Variants in TULP4 observed in about 807,000 individuals in gnomAD.
The protein encoded by TULP4 is TUB like protein 4, also known as tubby-related protein 4.
Under a neutral mutation model 129.0 loss-of-function variants are expected in TULP4, and 16 were observed. The observed-to-expected ratio is 0.12, with a 90% CI of 0.08 to 0.19. TULP4 has a LOEUF of 0.19. Ranked by LOEUF, TULP4 falls within the 10% of genes least tolerant of loss-of-function variation. The pLI is 1.00. For missense variants in TULP4, 1,842 were observed against 2,059.1 expected (o/e 0.89, Z 2.04); for synonymous variants, 998 against 854.0 (o/e 1.17, Z -2.94).
intron 1 of TULP4, among the ~76,000 whole-genome samples, chr6:158,288,699 A>C (rs1583706935): frequency 6.6e-6 from 1 of 152,030 alleles, no homozygotes; most frequent in East Asian, 1.9e-4. Context: ...ACGGGGTTTC[A>C]CCGTGTTAGC....
intron 1 of TULP4, among the ~76,000 whole-genome samples, chr6:158,391,942 C>T (rs976667498): frequency 8.5e-5 from 13 of 152,120 alleles, no homozygotes; most frequent in Non-Finnish European, 1.9e-4. Context: ...GTGGCAGGCA[C>T]TTAGTAAATA....
At chr6:158,412,844 C>T (rs1055865884) in intron 1 of TULP4, among the ~76,000 whole-genome samples, 8 of 152,262 alleles carry the variant, frequency 5.3e-5, no homozygotes, top group Non-Finnish European at 8.8e-5. Flanking sequence ...TGGGCATGTT[C>T]GCACTGTCTC....
chr6:158,306,268 C>T (rs990333322), intron 1 of TULP4, among the ~76,000 whole-genome samples: 2 of 152,198 alleles, frequency 1.3e-5, no homozygotes, highest in African/African-American at 4.8e-5. Context: ...TTAAGATTTA[C>T]ATTTGGCTGG....
At chr6:158,370,962 T>A (rs945070179) in intron 1 of TULP4, among the ~76,000 whole-genome samples, 14 of 152,242 alleles carry the variant, frequency 9.2e-5, no homozygotes, top group Non-Finnish European at 1.6e-4. Context: ...GCCACTGCAC[T>A]CCTGCATCCT....
intron 7 of TULP4, 57 bp from the exon 8 acceptor site, chr6:158,480,998 C>T (rs1779929131): frequency 6.8e-7 from 1 of 1,478,278 alleles, no homozygotes; most frequent in Non-Finnish European, 9.1e-7. Flanking sequence ...ACTCTCTTTC[C>T]CTCTCTCTCT....
intron 1 of TULP4, among the ~76,000 whole-genome samples, chr6:158,289,947 T>C (rs2128470108): frequency 6.6e-6 from 1 of 151,874 alleles, no homozygotes; most frequent in East Asian, 1.9e-4. Context: ...CAAGAAGTGT[T>C]TTGTTTTGTT....
Position 158,503,772 on chromosome 6 carries a change from C to A in TULP4, c.4109C>A (p.Ser1370Tyr). ...KEARTLSDFN[S>Y]LISSPHLGRE... is the part of the protein sequence containing the mutation. ...GCTAGGACTTTGAGTGACTTTAATTCCCTAATCTCCAGCCCACACCTGGGG... is the reference window on the plus strand; with the variant it reads ...GCTAGGACTTTGAGTGACTTTAATTACCTAATCTCCAGCCCACACCTGGGG... The change falls in exon 13 of 14, where the codon TCC becomes TAC. Residue 1370 changes from serine to tyrosine, a missense_variant. By Grantham distance (144) the Ser-to-Tyr change is moderately radical (BLOSUM62 -2). Coordinates refer to ENST00000367097, the MANE Select transcript of TULP4 (RefSeq NM_020245.5). The surrounding 1 kb of genome is among the most constrained non-coding windows in gnomAD (Gnocchi z 4.3). 6.2e-7 allele frequency: 1 copy of A among 1,614,102 alleles called. No individual in the cohort carries two copies. Among genetic ancestry groups the A allele is most frequent in the Non-Finnish European group, 8.5e-7 (1 of 1,180,040 alleles).
intron 1 of TULP4, among the ~76,000 whole-genome samples, chr6:158,341,399 G>A (rs1780177841): frequency 6.6e-6 from 1 of 152,174 alleles, no homozygotes; most frequent in Non-Finnish European, 1.5e-5. Context: ...GTAAACATGG[G>A]AGTACAGATA....
Position 158,494,855 on chromosome 6 carries a change from C to T in TULP4, c.1870+9C>T. 4.3e-6 allele frequency: 7 copies of T among 1,612,484 alleles called. No individual in the cohort carries two copies. The highest frequency in any genetic ancestry group is 1.7e-4 in the Middle Eastern group (1 of 6,056). On this transcript the variant is annotated intron_variant, in intron 11 of 13. Coordinates refer to ENST00000367097, the MANE Select transcript of TULP4 (RefSeq NM_020245.5). ...AACCAACCTCGGTGCAGGTAAAAATCATGTCCTCTTCTCTCATTGTCCCAG... is the reference window on the plus strand; with the variant it reads ...AACCAACCTCGGTGCAGGTAAAAATTATGTCCTCTTCTCTCATTGTCCCAG...
At position 158,504,028 on chromosome 6, in the gene TULP4, C is replaced by T. The variant is rs755445574; in HGVS notation, c.4365C>T (p.Asp1455=). The T allele has an allele frequency of 1.3e-5, 21 of 1,610,928 alleles. No individual in the cohort carries two copies. Among genetic ancestry groups the T allele is most frequent in the Middle Eastern group, 1.6e-4 (1 of 6,064 alleles). ...AKCRRASEKE[D]GRLGSQGFVY... is the part of the protein sequence containing the mutation. The stretch of plus-strand genomic sequence containing the variant: ...GCCGGCGGGCCAGTGAGAAGGAGGA[C>T]GGGCGGCTGGGCAGCCAAGGCTTCG... The change falls in exon 13 of 14, where the codon GAC becomes GAT. Residue 1455 remains aspartate (D), a synonymous_variant. Transcript: ENST00000367097.
intron 1 of TULP4, among the ~76,000 whole-genome samples, chr6:158,335,485 C>G (rs759065291): frequency 1.3e-4 from 19 of 151,348 alleles, no homozygotes; most frequent in Non-Finnish European, 2.1e-4. Context: ...ATATATAGAA[C>G]ATTAACATGC....
At chr6:158,317,220 G>A (rs1051387374) in intron 1 of TULP4, among the ~76,000 whole-genome samples, 3 of 151,920 alleles carry the variant, frequency 2.0e-5, no homozygotes, top group African/African-American at 7.3e-5. Flanking sequence ...ACAACATGCA[G>A]GTTTGTTACA....
intron 1 of TULP4, among the ~76,000 whole-genome samples, chr6:158,357,700 C>T (rs996607511): frequency 6.6e-6 from 1 of 152,154 alleles, no homozygotes; most frequent in African/African-American, 2.4e-5. Context: ...TGAGGGATTG[C>T]CCCAAGGTCC....
intron 3 of TULP4, among the ~76,000 whole-genome samples, chr6:158,436,751 G>A (rs537367728): frequency 3.3e-5 from 5 of 152,290 alleles, no homozygotes; most frequent in Admixed American, 2.6e-4. Context: ...GAAAGAATCC[G>A]GGCTGGTAAG....
intron 11 of TULP4, 104 bp downstream of exon 11, chr6:158,494,950 C>T: frequency 2.3e-6 from 2 of 861,854 alleles, no homozygotes; most frequent in South Asian, 1.8e-5. Context: ...TTTAAGACAG[C>T]AAAAGATTAG....
chr6:158,384,778 G>T (rs1224981460), intron 1 of TULP4, among the ~76,000 whole-genome samples: 1 of 152,170 alleles, frequency 6.6e-6, no homozygotes, highest in Non-Finnish European at 1.5e-5. Context: ...CGCCCTTGCT[G>T]GTAACAGCTG....
intron 1 of TULP4, among the ~76,000 whole-genome samples, chr6:158,347,437 C>G: frequency 6.6e-6 from 1 of 152,208 alleles, no homozygotes; most frequent in Admixed American, 6.5e-5. Context: ...CACTGACATA[C>G]TTGGTTACCA....
intron 1 of TULP4, among the ~76,000 whole-genome samples, chr6:158,263,731 G>C (rs186715155): frequency 6.6e-6 from 1 of 152,138 alleles, no homozygotes; most frequent in East Asian, 1.9e-4. Flanking sequence ...ACTTCAGCCT[G>C]GGCGACAGAG....
intron 2 of TULP4, among the ~76,000 whole-genome samples, chr6:158,420,102 C>T (rs1415353576): frequency 6.6e-6 from 1 of 151,846 alleles, no homozygotes; most frequent in African/African-American, 2.4e-5. Flanking sequence ...GACAAGGAGC[C>T]AAAATTGAGG....
Sources: gnomAD v4.1 joint callset for allele counts (sites outside exome capture counted in the v4.1 genomes callset) on GRCh38, gnomAD v4.1.1 for gene constraint, Gnocchi (gnomAD v3.1) non-coding constraint, MANE v1.5 for transcripts, NCBI Gene and HGNC (gene_info 2026-07-23, HGNC 2026-07-21) for gene names.